Variants in ATL2 observed in about 807,000 individuals in gnomAD.
ATL2 encodes atlastin-2.
In ATL2, 31 loss-of-function variants were observed where a neutral mutation model predicts 73.9. The ratio of observed to expected loss-of-function variants is 0.42; its 90% confidence interval spans 0.32 to 0.57. The LOEUF (loss-of-function observed/expected upper bound fraction) is 0.57, where lower values mean the gene tolerates loss of function less well. Ranked by LOEUF, ATL2 falls within the 20% of genes least tolerant of loss-of-function variation. The probability of loss-of-function intolerance (pLI) is 0.14; values close to 1 mark genes in which losing one functional copy is unlikely to be tolerated. For missense variants in ATL2, 738 were observed against 702.6 expected, an observed-to-expected ratio of 1.05 and a Z score of -0.57; for synonymous variants, 291 against 237.5, an observed-to-expected ratio of 1.23 and a Z score of -2.07.
chr2:38,329,567 A>T (rs994372349), intron 2 of ATL2, among the ~76,000 whole-genome samples: 1 of 152,090 alleles, frequency 6.6e-6, no homozygotes, highest in African/African-American at 2.4e-5. Flanking sequence ...TTCTTTTAGA[A>T]AATAAGCAGA....
chr2:38,376,840 G>A (rs1039086272), intron 1 of ATL2, among the ~76,000 whole-genome samples: 6 of 151,078 alleles, frequency 4.0e-5, no homozygotes, highest in African/African-American at 1.5e-4. Context: ...AGGTCGGGGC[G>A]GACACGGCGG....
rs956149797 is a variant in ATL2 at position 38,338,908 on chromosome 2, T to C, written c.363+4360A>G. On this transcript the variant is annotated intron_variant, in intron 2 of 12. Transcript: ENST00000378954. ...TTAAATTGAGGAACGTTCTTCAAAA[T>C]AGCTTACCAGTATGCCTCAAAATAG... Among the ~76,000 whole-genome samples the C allele has an allele frequency of 3.9e-5, 6 of 152,164 alleles. No homozygotes were observed. In the South Asian group the frequency reaches 6.2e-4, roughly 16 times the overall value.
chr2:38,343,444 T>A lies in ATL2; in HGVS notation c.187A>T (p.Ile63Phe). The A allele has an allele frequency of 6.2e-7, 1 of 1,612,952 alleles. No individual in the cohort carries two copies. The highest frequency in any genetic ancestry group is 8.5e-7 in the Non-Finnish European group (1 of 1,179,284). Reference sequence around the variant, plus strand: ...TGGTCATCTTCATGAGCAAGAACAATCTGTACTGGACATGGTTTCTTCATA... The same window carrying A: ...TGGTCATCTTCATGAGCAAGAACAAACTGTACTGGACATGGTTTCTTCATA... ...EVMKKPCPVQ[I>F]VLAHEDDHNF... The change falls in exon 2 of 13, where the codon ATT becomes TTT. Residue 63 changes from isoleucine (I) to phenylalanine (F), a missense_variant. Ile to Phe is a conservative substitution (Grantham distance 21). Transcript: ENST00000378954.
intron 2 of ATL2, among the ~76,000 whole-genome samples, chr2:38,341,617 C>T (rs750963527): frequency 3.9e-5 from 6 of 152,106 alleles, no homozygotes; most frequent in Non-Finnish European, 7.4e-5. Context: ...TTCACACCAC[C>T]GCACTCCAGC....
intron 2 of ATL2, among the ~76,000 whole-genome samples, chr2:38,325,440 C>A (rs1396433817): frequency 6.6e-6 from 1 of 152,026 alleles, no homozygotes; most frequent in Non-Finnish European, 1.5e-5. Flanking sequence ...AGTTTAAGCA[C>A]TAAAAACCCT....
At chr2:38,313,126 T>C (rs748212022) in intron 7 of ATL2, 25 bp downstream of exon 7, 4 of 1,546,252 alleles carry the variant, frequency 2.6e-6, no homozygotes, top group Non-Finnish European at 3.6e-6. Flanking sequence ...GCTTATGTTC[T>C]CCTCTTTAAG....
intron 2 of ATL2, among the ~76,000 whole-genome samples, chr2:38,329,495 C>T (rs1395719044): frequency 7.3e-6 from 1 of 137,526 alleles, no homozygotes; most frequent in Non-Finnish European, 1.6e-5. Flanking sequence ...CAAAGCCCAA[C>T]TGACTTCACT....
chr2:38,310,562 A>G lies in ATL2; in HGVS notation c.805-115T>C, dbSNP rs537577400. ...CACACTTAACTCAGATGGTACTCCT[A>G]AGGAGTCTTTTTTGACAATACAAAA... On this transcript the variant is annotated intron_variant, in intron 7 of 12. Coordinates refer to ENST00000378954, the MANE Select transcript of ATL2 (RefSeq NM_001135673.4). 2.4e-4 allele frequency: 191 copies of G among 805,576 alleles called. 1 individual carries two copies. In the African/African-American group the frequency reaches 3.0e-3, roughly 13 times the overall value. The allele number at this position is 805,576 out of a possible 1,614,324, so 49.9% of individuals were successfully genotyped here. A position where few individuals can be genotyped will look rare whatever the true frequency, so the allele number is the denominator to read the frequency against.
intron 7 of ATL2, 100 bp from the exon 8 acceptor site, chr2:38,310,547 T>A: frequency 1.0e-6 from 1 of 999,328 alleles, no homozygotes; most frequent in African/African-American, 1.7e-5. Flanking sequence ...CACACTTAAC[T>A]CAGATGGTAC....
At chr2:38,345,048 C>T (rs560739730) in intron 1 of ATL2, among the ~76,000 whole-genome samples, 41 of 152,284 alleles carry the variant, frequency 2.7e-4, no homozygotes, top group South Asian at 2.1e-4. Context: ...AAACACCTAG[C>T]TTCAGAGGAC....
At position 38,335,360 on chromosome 2, in the gene ATL2, G is replaced by C. The variant is rs77730465; in HGVS notation, c.363+7908C>G. ...AACCCATATGTCTATCAGTAGAAAG[G>C]GTAAATTATGACATATTCATCCAAT... On this transcript the variant is annotated intron_variant, in intron 2 of 12. Coordinates refer to ENST00000378954, the MANE Select transcript of ATL2 (RefSeq NM_001135673.4). Among the ~76,000 whole-genome samples the C allele has an allele frequency of 6.9e-3, 1,043 of 152,064 alleles. 13 individuals are homozygous for C. Among genetic ancestry groups the C allele is most frequent in the East Asian group, 0.057 (294 of 5,162 alleles).
intron 7 of ATL2, 120 bp from the exon 8 acceptor site, chr2:38,310,567 G>T: frequency 7.4e-6 from 5 of 675,994 alleles, no homozygotes; most frequent in Admixed American, 4.5e-5. Context: ...CTCCTAAGGA[G>T]TCTTTTTTGA....
At chr2:38,377,795 C>T (rs1173790329), upstream of ATL2, among the ~76,000 whole-genome samples, 2 of 151,018 alleles carry the variant, frequency 1.3e-5, no homozygotes, top group Non-Finnish European at 3.0e-5. Flanking sequence ...AAGTTGTTGC[C>T]AGTGCCCTGC....
At chr2:38,364,528 G>A (rs1671193465) in intron 1 of ATL2, among the ~76,000 whole-genome samples, 1 of 152,178 alleles carries the variant, frequency 6.6e-6, no homozygotes, top group African/African-American at 2.4e-5. Context: ...ATTCTCTGTG[G>A]CCTTAGGCCA....
intron 2 of ATL2, among the ~76,000 whole-genome samples, chr2:38,332,699 A>G (rs1248927234): frequency 6.6e-6 from 1 of 152,218 alleles, no homozygotes; most frequent in African/African-American, 2.4e-5. Context: ...TAGTCACACA[A>G]AACCCACTTG....
rs112031667 is a variant in ATL2, at chr2:38,367,796, C to T, written c.118+9347G>A. ...TACAGGCGCTTGCCACCATGCCCAG[C>T]TAATTTTTGTATTTTTAGTAGAGAT... On this transcript the variant is annotated intron_variant, in intron 1 of 12. Transcript: ENST00000378954. 6.1e-4 allele frequency among the ~76,000 whole-genome samples: 92 copies of T among 151,202 alleles called. 1 individual carries two copies. Among genetic ancestry groups the T allele is most frequent in the Middle Eastern group, 3.4e-3 (1 of 292 alleles).
chr2:38,306,494 T>C lies in ATL2; in HGVS notation c.1071+2885A>G, dbSNP rs867387478. Among the ~76,000 whole-genome samples the C allele has an allele frequency of 2.0e-5, 3 of 152,148 alleles. No homozygotes were observed. The South Asian group carries it at 6.2e-4, about 31-fold the overall frequency. The stretch of plus-strand genomic sequence containing the variant: ...GTTGCAAAAATCCTCAACAAAATAC[T>C]AGCAAACTGAATTCAACAACACATT... On this transcript the variant is annotated intron_variant, in intron 9 of 12. Transcript: ENST00000378954.
chr2:38,329,545 G>A (rs949779193), intron 2 of ATL2, among the ~76,000 whole-genome samples: 2 of 150,992 alleles, frequency 1.3e-5, no homozygotes, highest in African/African-American at 4.9e-5. Context: ...AATGGTAGCA[G>A]TTCTCTACAA....
At chr2:38,306,893 T>G (rs1331642974) in intron 9 of ATL2, among the ~76,000 whole-genome samples, 1 of 152,188 alleles carries the variant, frequency 6.6e-6, no homozygotes, top group African/African-American at 2.4e-5. Flanking sequence ...GAAGTTGTAC[T>G]TCAGTACAAA....
Sources: gnomAD v4.1 joint callset for allele counts (sites outside exome capture counted in the v4.1 genomes callset) on GRCh38, gnomAD v4.1.1 for gene constraint, MANE v1.5 for transcripts, NCBI Gene and HGNC (gene_info 2026-07-23, HGNC 2026-07-21) for gene names.